Variants in ABTB3 observed in about 807,000 individuals in gnomAD.
ABTB3 encodes ankyrin repeat- and BTB/POZ domain-containing protein 3.
the ABTB3 span, among the ~76,000 whole-genome samples, chr12:107,345,470 A>C: frequency 2.0e-5 from 3 of 151,750 alleles, no homozygotes; most frequent in Non-Finnish European, 4.4e-5. Flanking sequence ...CAAGTGATAA[A>C]AAAAAAAATC....
chr12:107,549,433 C>T, the ABTB3 span, among the ~76,000 whole-genome samples: 1 of 152,214 alleles, frequency 6.6e-6, no homozygotes, highest in African/African-American at 2.4e-5. Context: ...ATAAGTCCAG[C>T]ATGTTAGTTA....
the ABTB3 span, among the ~76,000 whole-genome samples, chr12:107,468,653 C>G: frequency 3.3e-5 from 5 of 152,228 alleles, no homozygotes; most frequent in African/African-American, 1.2e-4. Flanking sequence ...CTTAGTAGTC[C>G]ACAAGTATTT....
At chr12:107,601,399 G>C in the ABTB3 span, among the ~76,000 whole-genome samples, 4 of 152,162 alleles carry the variant, frequency 2.6e-5, no homozygotes, top group South Asian at 8.3e-4. Context: ...GGTGAAAATT[G>C]GCTATTTAGC....
the ABTB3 span, among the ~76,000 whole-genome samples, chr12:107,390,243 A>G: frequency 3.3e-5 from 5 of 152,324 alleles, no homozygotes; most frequent in East Asian, 5.8e-4. Context: ...CGGTTTACCT[A>G]TAGTGTATCT....
chr12:107,455,502 C>T, the ABTB3 span, among the ~76,000 whole-genome samples: 1 of 151,848 alleles, frequency 6.6e-6, no homozygotes, highest in Non-Finnish European at 1.5e-5. Context: ...AGCAGTGTCT[C>T]ACTCACCACT....
the ABTB3 span, among the ~76,000 whole-genome samples, chr12:107,637,923 T>C: frequency 0.12 from 18,631 of 151,126 alleles, 3,675 homozygotes; most frequent in African/African-American, 0.42. Flanking sequence ...GAAGCAGGAA[T>C]GGGGGACTAG....
At chr12:107,596,295 G>T in the ABTB3 span, among the ~76,000 whole-genome samples, 1 of 152,340 alleles carries the variant, frequency 6.6e-6, no homozygotes, top group East Asian at 1.9e-4. Flanking sequence ...AGGGAGAACT[G>T]AGCAAGTGTA....
At chr12:107,637,786 T>TTGTG in the ABTB3 span, among the ~76,000 whole-genome samples, 1,603 of 144,712 alleles carry the variant, frequency 0.011, 13 homozygotes, top group African/African-American at 0.023. Context: ...AGCACTGATT[T>TTGTG]TGTGTGTGTG....
At chr12:107,418,662 G>A in the ABTB3 span, among the ~76,000 whole-genome samples, 14 of 152,310 alleles carry the variant, frequency 9.2e-5, no homozygotes, top group Admixed American at 2.6e-4. Context: ...CTGGGCATCC[G>A]AGAAGGGAGT....
At chr12:107,343,615 A>C in the ABTB3 span, among the ~76,000 whole-genome samples, 101 of 152,304 alleles carry the variant, frequency 6.6e-4, no homozygotes, top group African/African-American at 2.3e-3. Flanking sequence ...GGCAGTCCAA[A>C]GCTGGGATGG....
At chr12:107,542,678 A>G in the ABTB3 span, among the ~76,000 whole-genome samples, 1 of 152,194 alleles carries the variant, frequency 6.6e-6, no homozygotes, top group African/African-American at 2.4e-5. Context: ...TACTACTAAT[A>G]TCCCACTGTT....
the ABTB3 span, among the ~76,000 whole-genome samples, chr12:107,464,067 G>T: frequency 3.3e-5 from 5 of 152,180 alleles, no homozygotes; most frequent in Admixed American, 6.5e-5. Flanking sequence ...AGGTTTAGGG[G>T]CAGATGCAAC....
the ABTB3 span, among the ~76,000 whole-genome samples, chr12:107,521,764 C>T: frequency 6.6e-6 from 1 of 151,148 alleles, no homozygotes. Context: ...ACCACAGGAC[C>T]TTTGCACTTA....
At chr12:107,389,316 A>G in the ABTB3 span, among the ~76,000 whole-genome samples, 1 of 152,258 alleles carries the variant, frequency 6.6e-6, no homozygotes, top group Non-Finnish European at 1.5e-5. Context: ...TTTAATGCTT[A>G]TGTACTAGGC....
At chr12:107,633,447 C>T in the ABTB3 span, among the ~76,000 whole-genome samples, 11 of 152,188 alleles carry the variant, frequency 7.2e-5, no homozygotes, top group Non-Finnish European at 1.2e-4. Context: ...CCTGCAAAGT[C>T]GCTTTTGCCA....
At chr12:107,646,813 T>G in the ABTB3 span, among the ~76,000 whole-genome samples, 1 of 152,104 alleles carries the variant, frequency 6.6e-6, no homozygotes. Flanking sequence ...CAGTGGAGGA[T>G]GATGCACGAT....
the ABTB3 span, among the ~76,000 whole-genome samples, chr12:107,509,199 C>A: frequency 6.6e-6 from 1 of 152,104 alleles, no homozygotes; most frequent in Non-Finnish European, 1.5e-5. Flanking sequence ...AATGATAATG[C>A]AAGAAAGGCT....
At chr12:107,465,584 G>T in the ABTB3 span, among the ~76,000 whole-genome samples, 1 of 152,110 alleles carries the variant, frequency 6.6e-6, no homozygotes, top group African/African-American at 2.4e-5. Context: ...TCCTGCTCAG[G>T]GGCAGGGGGT....
the ABTB3 span, among the ~76,000 whole-genome samples, chr12:107,334,751 G>C: frequency 1.3e-5 from 2 of 152,176 alleles, no homozygotes; most frequent in African/African-American, 4.8e-5. Context: ...GAAGACCAAA[G>C]ACAGAGCCCT....
Sources: allele counts gnomAD v4.1 joint callset (sites outside exome capture counted in the v4.1 genomes callset), GRCh38; gene constraint gnomAD v4.1.1; transcripts MANE v1.5; gene names NCBI Gene and HGNC (gene_info 2026-07-23, HGNC 2026-07-21).